Variants in ARID1B observed in about 807,000 individuals in gnomAD.
The protein encoded by ARID1B is AT-rich interaction domain 1B.
A neutral mutation model predicts 212.3 loss-of-function variants in ARID1B; 30 were observed. The ratio of observed to expected loss-of-function variants is 0.14; its 90% CI spans 0.11 to 0.19. The LOEUF is 0.19. Among genes scored for constraint, ARID1B ranks in the 10% least tolerant of loss-of-function variants. ARID1B has a pLI of 1.00. For missense variants in ARID1B, 2,891 were observed against 3,204.0 expected (o/e 0.90, Z 2.36); for synonymous variants, 1,402 against 1,301.7 (o/e 1.08, Z -1.66).
rs373538939 is a variant in ARID1B, at chr6:156,823,141, C to T, written c.1792-6086C>T. Reference sequence around the variant, plus strand: ...CGTTACCTGACATGTCTTCTCTATGCCCGTGTGTAGTCCGCTGTGTTGGTG... The same window carrying T: ...CGTTACCTGACATGTCTTCTCTATGTCCGTGTGTAGTCCGCTGTGTTGGTG... On this transcript the variant is annotated intron_variant, in intron 1 of 19. Coordinates refer to ENST00000636930, the MANE Select transcript of ARID1B (RefSeq NM_001374828.1). Among the ~76,000 whole-genome samples, 42 of 152,174 alleles carry T rather than the reference C, an allele frequency of 2.8e-4. No homozygotes were observed. In the South Asian group the frequency reaches 8.7e-3, roughly 32 times the overall value.
At chr6:156,856,537 C>T (rs1784942180) in intron 2 of ARID1B, among the ~76,000 whole-genome samples, 1 of 152,160 alleles carries the variant, frequency 6.6e-6, no homozygotes, top group Non-Finnish European at 1.5e-5. Flanking sequence ...CAGACTCTGA[C>T]CTTAACCACT....
chr6:156,940,238 A>C (rs1256258666), intron 4 of ARID1B: 4 of 152,212 alleles, frequency 2.6e-5, no homozygotes, highest in Admixed American at 2.0e-4. Flanking sequence ...AAATATTTCT[A>C]TAAATATTGG....
intron 9 of ARID1B, chr6:157,173,387 G>C (rs1428748719): frequency 6.6e-6 from 1 of 152,262 alleles, no homozygotes; most frequent in Non-Finnish European, 1.5e-5. Flanking sequence ...CTCTCAGACA[G>C]ACTGAAAGGA....
intron 2 of ARID1B, among the ~76,000 whole-genome samples, chr6:156,831,626 A>C (rs1783145028): frequency 6.6e-6 from 1 of 152,250 alleles, no homozygotes; most frequent in Non-Finnish European, 1.5e-5. Context: ...TAGAGGACAT[A>C]CACAGATATA....
chr6:157,156,795 GAGCACGGAGGC>G (rs1790604890), intron 8 of ARID1B, among the ~76,000 whole-genome samples: 1 of 152,206 alleles, frequency 6.6e-6, no homozygotes, highest in Non-Finnish European at 1.5e-5. Flanking sequence ...CGCCACTGCA[GAGCACGGAGGC>G]AGCATGGAGT....
chr6:156,994,815 G>A (rs528562482), intron 4 of ARID1B, among the ~76,000 whole-genome samples: 9 of 152,284 alleles, frequency 5.9e-5, no homozygotes, highest in South Asian at 2.1e-4. Flanking sequence ...TCTGTGTCCC[G>A]GTGTGCCCTC....
chr6:156,850,331 G>A (rs888364259), intron 2 of ARID1B, among the ~76,000 whole-genome samples: 1 of 152,116 alleles, frequency 6.6e-6, no homozygotes, highest in South Asian at 2.1e-4. Context: ...GATTTTGGAC[G>A]CCAGTATTCT....
chr6:157,129,043 C>A (rs894169238), intron 6 of ARID1B, among the ~76,000 whole-genome samples: 1 of 152,198 alleles, frequency 6.6e-6, no homozygotes, highest in Non-Finnish European at 1.5e-5. Flanking sequence ...TTGTTCATCC[C>A]AGCTGGAAGC....
At chr6:157,085,242 G>A (rs1012711172) in intron 5 of ARID1B, among the ~76,000 whole-genome samples, 1 of 152,224 alleles carries the variant, frequency 6.6e-6, no homozygotes, top group Non-Finnish European at 1.5e-5. Flanking sequence ...TGCCACTAAA[G>A]TGAGATTGTT....
Position 157,110,497 on chromosome 6 carries a change from C to T in ARID1B, c.2517C>T (p.Pro839=), listed in dbSNP as rs541757080. 37 of 1,614,002 alleles carry T rather than the reference C, an allele frequency of 2.3e-5. 1 individual carries two copies. The Admixed American group carries it at 2.5e-4, about 11-fold the overall frequency. ...GTAGTCAGATGCCTCCGCAGCCACCCGGGAGCCAGTCAGAATCCAGTTCCC... is the reference window on the plus strand; with the variant it reads ...GTAGTCAGATGCCTCCGCAGCCACCTGGGAGCCAGTCAGAATCCAGTTCCC... ...IPGSQMPPQP[P]GSQSESSSHP... is the part of the protein sequence containing the mutation. The change falls in exon 6 of 20, where the codon CCC becomes CCT. Residue 839 remains proline, a synonymous_variant. Coordinates refer to ENST00000636930, the MANE Select transcript of ARID1B (RefSeq NM_001374828.1).
At chr6:156,837,356 A>AG (rs1783582407) in intron 2 of ARID1B, among the ~76,000 whole-genome samples, 1 of 152,228 alleles carries the variant, frequency 6.6e-6, no homozygotes, top group African/African-American at 2.4e-5. Context: ...GTAGTTCTGA[A>AG]AACAAGTATA....
In ARID1B at chr6:156,778,737, TCCGCCG is replaced by T. The variant is rs766956053; in HGVS notation, c.1067_1072del (p.Ala356_Ala357del). 6.6e-7 allele frequency: 1 copy of T among 1,516,886 alleles called. No individual in the cohort carries two copies. Among genetic ancestry groups the T allele is most frequent in the East Asian group, 2.7e-5 (1 of 37,336 alleles). The allele number at this position is 1,516,886 out of a possible 1,614,324, so 94.0% of individuals were successfully genotyped here. ...CGGGATGGGGATGATGCACTCCGCCTCCGCCGCCGCCGCCGGGGCCCCCGGCAGCAT... is the reference window on the plus strand; with the variant it reads ...CGGGATGGGGATGATGCACTCCGCCTCCGCCGCCGGGGCCCCCGGCAGCAT... On this transcript the variant is annotated inframe_deletion, in exon 1 of 20. Coordinates refer to ENST00000636930, the MANE Select transcript of ARID1B (RefSeq NM_001374828.1).
At chr6:157,114,439 G>A (rs999120879) in intron 6 of ARID1B, among the ~76,000 whole-genome samples, 10 of 144,562 alleles carry the variant, frequency 6.9e-5, no homozygotes, top group African/African-American at 2.6e-4. Flanking sequence ...CAGGAGAATC[G>A]CTTGAACCAG....
At chr6:156,797,614 T>C (rs896596272) in intron 1 of ARID1B, among the ~76,000 whole-genome samples, 3 of 152,190 alleles carry the variant, frequency 2.0e-5, no homozygotes, top group Non-Finnish European at 4.4e-5. Context: ...GTGCTGGATT[T>C]TTTGAAGGTG....
chr6:157,065,336 T>C (rs1285397980), intron 4 of ARID1B, among the ~76,000 whole-genome samples: 1 of 152,250 alleles, frequency 6.6e-6, no homozygotes, highest in African/African-American at 2.4e-5. Context: ...ATTAACTGGT[T>C]CTGTACCATA....
intron 7 of ARID1B, among the ~76,000 whole-genome samples, chr6:157,135,116 T>G (rs2128591254): frequency 6.6e-6 from 1 of 152,028 alleles, no homozygotes; most frequent in African/African-American, 2.4e-5. Flanking sequence ...TAAATCCCTG[T>G]TTTTCAGTAT....
At chr6:156,964,304 T>C (rs1447433658) in intron 4 of ARID1B, among the ~76,000 whole-genome samples, 1 of 152,252 alleles carries the variant, frequency 6.6e-6, no homozygotes, top group Non-Finnish European at 1.5e-5. Context: ...GTGCTAAGTC[T>C]CATTTTGAAA....
At chr6:156,883,156 G>T (rs1009413613) in intron 2 of ARID1B, among the ~76,000 whole-genome samples, 3 of 152,200 alleles carry the variant, frequency 2.0e-5, no homozygotes, top group Non-Finnish European at 4.4e-5. Flanking sequence ...CTCTCTCCCT[G>T]CATCAAATCT....
intron 4 of ARID1B, among the ~76,000 whole-genome samples, chr6:157,021,755 C>T (rs959905503): frequency 3.9e-5 from 6 of 152,032 alleles, no homozygotes; most frequent in African/African-American, 1.4e-4. Flanking sequence ...CTCCTGGAGG[C>T]GGGAGGCGGC....
Sources: gnomAD v4.1 joint callset for allele counts (sites outside exome capture counted in the v4.1 genomes callset) on GRCh38, gnomAD v4.1.1 for gene constraint, MANE v1.5 for transcripts, NCBI Gene and HGNC (gene_info 2026-07-23, HGNC 2026-07-21) for gene names.